The following ANO10 variants were observed in gnomAD, a reference collection of about 807,000 sequenced individuals.
The protein encoded by ANO10 is anoctamin-10.
ANO10 carries 77 observed loss-of-function variants against 74.7 expected under a neutral mutation model. The ratio of observed to expected loss-of-function variants is 1.03; its 90% CI spans 0.86 to 1.25. ANO10 has a LOEUF of 1.25. ANO10 is among the 50% of genes most tolerant of loss of function. The pLI, the probability that ANO10 is intolerant of heterozygous loss-of-function variation, is 0.00. For missense variants in ANO10, 721 were observed against 778.1 expected, an observed-to-expected ratio of 0.93 and a Z score of 0.87; for synonymous variants, 279 against 284.9, an observed-to-expected ratio of 0.98 and a Z score of 0.21.
At chr3:43,609,754 T>C (rs1223466755) in intron 1 of ANO10, among the ~76,000 whole-genome samples, 1 of 152,188 alleles carries the variant, frequency 6.6e-6, no homozygotes, top group Non-Finnish European at 1.5e-5. Flanking sequence ...TGTAGGCAAT[T>C]GTAACACAAT....
chr3:43,478,651 A>G (rs2076160645), intron 11 of ANO10, among the ~76,000 whole-genome samples: 1 of 152,220 alleles, frequency 6.6e-6, no homozygotes, highest in Non-Finnish European at 1.5e-5. Flanking sequence ...TGGCACAAGT[A>G]ATTAATTTAC....
In ANO10 at chr3:43,659,415, G is replaced by A. The variant is rs191560045; in HGVS notation, c.-12+32102C>T. The stretch of plus-strand genomic sequence containing the variant: ...GACCAGGAGATCCCCTCCCGTGCCT[G>A]GCTCGGTGGGTCCCACGCCCACGGA... On this transcript the variant is annotated intron_variant, in intron 1 of 3. Transcript: ENST00000413397. Among the ~76,000 whole-genome samples, 100 of 152,304 alleles carry A rather than the reference G, an allele frequency of 6.6e-4. 2 individuals carry two copies. Among genetic ancestry groups the A allele is most frequent in the African/African-American group, 2.3e-3 (96 of 41,574 alleles).
At chr3:43,413,776 C>T (rs576995407) in intron 12 of ANO10, among the ~76,000 whole-genome samples, 4 of 151,234 alleles carry the variant, frequency 2.6e-5, no homozygotes, top group East Asian at 1.9e-4. Context: ...ATTGACTGCA[C>T]GGCTGAATCC....
intron 1 of ANO10, among the ~76,000 whole-genome samples, chr3:43,614,203 T>G (rs912157193): frequency 6.6e-6 from 1 of 152,232 alleles, no homozygotes. Flanking sequence ...ACAACCTTAT[T>G]CATAATAACC....
chr3:43,375,965 T>C (rs1473300195), intron 12 of ANO10, among the ~76,000 whole-genome samples: 1 of 152,252 alleles, frequency 6.6e-6, no homozygotes, highest in Non-Finnish European at 1.5e-5. Context: ...TATTACCAAC[T>C]GCACCCCATT....
intron 1 of ANO10, among the ~76,000 whole-genome samples, chr3:43,680,328 G>A (rs2149581578): frequency 6.6e-6 from 1 of 152,312 alleles, no homozygotes; most frequent in East Asian, 1.9e-4. Context: ...CTGGAAGAAA[G>A]GGTATCAGTG....
At chr3:43,675,124 G>T (rs143692828) in intron 1 of ANO10, among the ~76,000 whole-genome samples, 283 of 152,220 alleles carry the variant, frequency 1.9e-3, no homozygotes, top group African/African-American at 6.6e-3. Flanking sequence ...AATGATTTAA[G>T]AACTATTGTT....
chr3:43,532,772 T>G (rs2078530994), intron 11 of ANO10, among the ~76,000 whole-genome samples: 1 of 152,168 alleles, frequency 6.6e-6, no homozygotes, highest in African/African-American at 2.4e-5. Flanking sequence ...AAAAGAGTAA[T>G]GCAAAACAAC....
intron 1 of ANO10, among the ~76,000 whole-genome samples, chr3:43,619,291 G>A (rs2083270951): frequency 6.6e-6 from 1 of 152,182 alleles, no homozygotes; most frequent in African/African-American, 2.4e-5. Flanking sequence ...AAGAGGCTAA[G>A]GACATATGAC....
chr3:43,545,219 A>G (rs1189529083), intron 11 of ANO10, among the ~76,000 whole-genome samples: 1 of 152,188 alleles, frequency 6.6e-6, no homozygotes. Flanking sequence ...ACTTTTTTAA[A>G]TCAATAAGAA....
At chr3:43,500,109 G>C (rs1022623310) in intron 11 of ANO10, among the ~76,000 whole-genome samples, 8 of 152,150 alleles carry the variant, frequency 5.3e-5, no homozygotes, top group African/African-American at 1.7e-4. Context: ...GCCTCCCAAA[G>C]TGCTGGGATT....
Position 43,444,898 on chromosome 3 carries a change from C to T in ANO10, c.1798-12171G>A, listed in dbSNP as rs563279512. Among the ~76,000 whole-genome samples the T allele has an allele frequency of 9.2e-5, 14 of 151,996 alleles. 1 individual carries two copies. The South Asian group carries it at 1.7e-3, about 18-fold the overall frequency. On this transcript the variant is annotated intron_variant, in intron 11 of 12. Transcript: ENST00000292246. ...AGAGATGCTGGGAGGCCAAGGCGGG[C>T]GGATCACTAGGTCAGGAGATCGAGA...
At chr3:43,654,291 C>T (rs1318459525) in intron 1 of ANO10, among the ~76,000 whole-genome samples, 1 of 152,104 alleles carries the variant, frequency 6.6e-6, no homozygotes, top group African/African-American at 2.4e-5. Flanking sequence ...TTTAATTTTT[C>T]TTCCTATGTC....
intron 1 of ANO10, among the ~76,000 whole-genome samples, chr3:43,616,282 A>G (rs1228962082): frequency 6.6e-6 from 1 of 152,198 alleles, no homozygotes; most frequent in African/African-American, 2.4e-5. Flanking sequence ...ACCCAAAGTC[A>G]CACCACCGGT....
chr3:43,526,699 T>C (rs2078212066), intron 11 of ANO10, among the ~76,000 whole-genome samples: 2 of 152,160 alleles, frequency 1.3e-5, no homozygotes, highest in Admixed American at 6.5e-5. Flanking sequence ...TCATTCAGCC[T>C]AACATTCATA....
intron 12 of ANO10, among the ~76,000 whole-genome samples, chr3:43,414,000 A>G (rs2092702369): frequency 6.6e-6 from 1 of 152,062 alleles, no homozygotes; most frequent in South Asian, 2.1e-4. Context: ...AACAGCACAG[A>G]CCACAAGGAC....
intron 1 of ANO10, among the ~76,000 whole-genome samples, chr3:43,657,197 T>C (rs2083867588): frequency 6.6e-6 from 1 of 152,236 alleles, no homozygotes; most frequent in Non-Finnish European, 1.5e-5. Flanking sequence ...TTTTTGTTTA[T>C]TTGTTTTTGT....
intron 7 of ANO10, among the ~76,000 whole-genome samples, chr3:43,566,598 T>C (rs2080364097): frequency 1.3e-5 from 2 of 152,034 alleles, no homozygotes; most frequent in Non-Finnish European, 2.9e-5. Context: ...CACGGCAGGG[T>C]ATTCCAACAG....
chr3:43,565,792 G>C (rs1309934663), intron 7 of ANO10, 65 bp from the exon 8 acceptor site: 1 of 1,485,342 alleles, frequency 6.7e-7, no homozygotes, highest in East Asian at 2.5e-5. Flanking sequence ...TACTACAACT[G>C]TAATGCAGCA....
Sources: allele counts gnomAD v4.1 joint callset (sites outside exome capture counted in the v4.1 genomes callset), GRCh38; gene constraint gnomAD v4.1.1; transcripts MANE v1.5; gene names NCBI Gene and HGNC (gene_info 2026-07-23, HGNC 2026-07-21).